Variants in SYNE1 observed in about 807,000 individuals in gnomAD.
The protein encoded by SYNE1 is nesprin-1.
Under a neutral mutation model 1,111.0 loss-of-function variants are expected in SYNE1, and 616 were observed. The ratio of observed to expected loss-of-function variants is 0.55; its 90% CI spans 0.52 to 0.59. The LOEUF is 0.59. Ranked by LOEUF, SYNE1 falls within the 20% of genes least tolerant of loss-of-function variation. The pLI, the probability that SYNE1 is intolerant of heterozygous loss-of-function variation, is 0.00. For missense variants in SYNE1, 10,006 were observed against 10,417.0 expected, an observed-to-expected ratio of 0.96 and a Z score of 1.72; for synonymous variants, 3,855 against 3,825.8, an observed-to-expected ratio of 1.01 and a Z score of -0.28.
At chr6:152,267,259 C>G (rs1276566640) in intron 100 of SYNE1, among the ~76,000 whole-genome samples, 1 of 152,028 alleles carries the variant, frequency 6.6e-6, no homozygotes, top group Non-Finnish European at 1.5e-5. Context: ...AGGATACTAC[C>G]AAATTACAAC....
intron 100 of SYNE1, among the ~76,000 whole-genome samples, chr6:152,264,046 T>C (rs1166501861): frequency 6.6e-6 from 1 of 151,280 alleles, no homozygotes; most frequent in African/African-American, 2.4e-5. Flanking sequence ...TCATTTCTAC[T>C]AAAAATACAA....
chr6:152,175,102 A>C (rs1368830661), intron 130 of SYNE1, among the ~76,000 whole-genome samples: 1 of 152,196 alleles, frequency 6.6e-6, no homozygotes, highest in Non-Finnish European at 1.5e-5. Flanking sequence ...CTGAGGCAGG[A>C]GAATTGCTTG....
intron 11 of SYNE1, among the ~76,000 whole-genome samples, chr6:152,497,124 C>T (rs898467989): frequency 1.1e-4 from 17 of 152,166 alleles, no homozygotes; most frequent in Non-Finnish European, 2.1e-4. Flanking sequence ...CTTTATTGCT[C>T]GTACAAAGCC....
intron 130 of SYNE1, among the ~76,000 whole-genome samples, chr6:152,165,674 C>T (rs992144591): frequency 5.9e-5 from 9 of 152,282 alleles, no homozygotes; most frequent in Middle Eastern, 3.4e-3. Context: ...GATAAGATTT[C>T]CCCAATTAGC....
intron 104 of SYNE1, among the ~76,000 whole-genome samples, chr6:152,250,056 AGTT>A (rs1297867573): frequency 3.9e-5 from 6 of 152,038 alleles, no homozygotes; most frequent in African/African-American, 1.4e-4. Context: ...TGAGGCCAGG[AGTT>A]CAAGACCAGC....
intron 124 of SYNE1, among the ~76,000 whole-genome samples, chr6:152,210,027 C>G (rs1438466580): frequency 6.6e-6 from 1 of 152,170 alleles, no homozygotes; most frequent in Non-Finnish European, 1.5e-5. Flanking sequence ...CCAAGCTGTC[C>G]CAAACTACCT....
Position 152,257,165 on chromosome 6 carries a change from A to C in SYNE1, c.18973-400T>G, listed in dbSNP as rs77334914. Among the ~76,000 whole-genome samples the C allele has an allele frequency of 2.8e-3, 426 of 152,306 alleles. 3 individuals carry two copies. Among genetic ancestry groups the C allele is most frequent in the Non-Finnish European group, 3.2e-3 (217 of 68,024 alleles). On this transcript the variant is annotated intron_variant, in intron 101 of 145. Coordinates refer to ENST00000367255, the MANE Select transcript of SYNE1 (RefSeq NM_182961.4). ...TGAGTCTGCTAATTACCCTGACTTG[A>C]ACATTACACACTGTATACATGTATC...
chr6:152,174,436 A>T (rs547498443), intron 130 of SYNE1, among the ~76,000 whole-genome samples: 1 of 152,246 alleles, frequency 6.6e-6, no homozygotes, highest in African/African-American at 2.4e-5. Flanking sequence ...GCTCCTATTT[A>T]TCTCATTGTT....
intron 91 of SYNE1, among the ~76,000 whole-genome samples, chr6:152,306,903 CAAAA>C (rs973985274): frequency 1.7e-5 from 1 of 60,580 alleles, no homozygotes; most frequent in Non-Finnish European, 3.4e-5. Flanking sequence ...GACTGTGTCT[CAAAA>C]AAAAAAAAAA....
At chr6:152,541,166 A>G (rs2099267633) in intron 3 of SYNE1, among the ~76,000 whole-genome samples, 1 of 152,150 alleles carries the variant, frequency 6.6e-6, no homozygotes, top group Non-Finnish European at 1.5e-5. Flanking sequence ...GATAATAATG[A>G]TGTTGGTAGT....
At chr6:152,249,952 A>C (rs2088621764) in intron 104 of SYNE1, among the ~76,000 whole-genome samples, 1 of 152,162 alleles carries the variant, frequency 6.6e-6, no homozygotes, top group Non-Finnish European at 1.5e-5. Context: ...GGGAATAATA[A>C]ATTAGAAGAA....
chr6:152,158,865 A>T (rs78869636), intron 131 of SYNE1, among the ~76,000 whole-genome samples: 3,777 of 152,332 alleles, frequency 0.025, 77 homozygotes, highest in Middle Eastern at 0.054. Context: ...TTTTGTTAAA[A>T]TCAATATATG....
chr6:152,300,516 T>C (rs2095112233), intron 93 of SYNE1, 125 bp downstream of exon 93: 1 of 1,337,140 alleles, frequency 7.5e-7, no homozygotes, highest in Non-Finnish European at 1.1e-6. Context: ...TAACACCTAA[T>C]AGTGTGTCCC....
chr6:152,527,372 T>C (rs1038403551), intron 4 of SYNE1, among the ~76,000 whole-genome samples: 12 of 152,208 alleles, frequency 7.9e-5, no homozygotes, highest in African/African-American at 2.7e-4. Context: ...TGCTGTGAAA[T>C]ACATGTTCAA....
In SYNE1 at chr6:152,363,636, T is replaced by C. The variant is rs551724245; in HGVS notation, c.10145+1211A>G. On this transcript the variant is annotated intron_variant, in intron 63 of 145. Transcript: ENST00000367255. Reference sequence around the variant, plus strand: ...GCAGACACTGTAAGTGCTCCATCCATCCACACCCCCGGATCACACCACTGC... The same window carrying C: ...GCAGACACTGTAAGTGCTCCATCCACCCACACCCCCGGATCACACCACTGC... The C allele has an allele frequency of 1.8e-4, 70 of 392,260 alleles. 1 individual carries two copies. Among genetic ancestry groups the C allele is most frequent in the South Asian group, 1.3e-3 (69 of 53,830 alleles). The allele number at this position is 392,260 out of a possible 1,614,324, so 24.3% of individuals were successfully genotyped here.
intron 25 of SYNE1, among the ~76,000 whole-genome samples, chr6:152,451,468 ATTTTTTTTTTTTT>A (rs145882121): frequency 2.0e-4 from 10 of 49,824 alleles, no homozygotes; most frequent in Admixed American, 7.2e-4. Context: ...CCTGCACCGT[ATTTTTTTTTTTTT>A]TTTTTTTTTT....
intron 12 of SYNE1, 35 bp downstream of exon 12, chr6:152,488,360 CT>C: frequency 8.6e-7 from 1 of 1,167,128 alleles, no homozygotes; most frequent in Non-Finnish European, 1.3e-6. Flanking sequence ...TCAAAAATAG[CT>C]TTTGAAAAAT....
intron 110 of SYNE1, among the ~76,000 whole-genome samples, chr6:152,235,746 AT>A (rs2083873151): frequency 6.7e-6 from 1 of 150,216 alleles, no homozygotes; most frequent in Non-Finnish European, 1.5e-5. Context: ...TGCCTTATTT[AT>A]TTATTTATTT....
chr6:152,539,962 T>C lies in SYNE1; in HGVS notation c.127A>G (p.Lys43Glu). 6.2e-7 allele frequency: 1 copy of C among 1,613,948 alleles called. No individual in the cohort carries two copies. The highest frequency in any genetic ancestry group is 2.2e-5 in the East Asian group (1 of 44,822). The change falls in exon 4 of 146, where the codon AAG (lysine) becomes GAG (glutamate). Residue 43 changes from lysine to glutamate, a missense_variant and splice_region_variant. By Grantham distance (56) the Lys-to-Glu change is moderately conservative. Coordinates refer to ENST00000367255, the MANE Select transcript of SYNE1 (RefSeq NM_182961.4). Reference sequence around the variant, plus strand: ...TAATGCTGGGTAGTTTCCTTTACCTTGGCCAGATGAGAGTTGATCCATTTT... The same window carrying C: ...TAATGCTGGGTAGTTTCCTTTACCTCGGCCAGATGAGAGTTGATCCATTTT... ...FTKWINSHLA[K>E]RKPPMVVDDL...
Sources: gnomAD v4.1 joint callset for allele counts (sites outside exome capture counted in the v4.1 genomes callset) on GRCh38, gnomAD v4.1.1 for gene constraint, MANE v1.5 for transcripts, NCBI Gene and HGNC (gene_info 2026-07-23, HGNC 2026-07-21) for gene names.